Variants in LRRC59 observed in about 807,000 individuals in gnomAD.
The protein encoded by LRRC59 is leucine-rich repeat-containing protein 59.
In LRRC59, 18 loss-of-function variants were observed where a neutral mutation model predicts 33.5. The observed-to-expected ratio is 0.54, with a 90% CI of 0.37 to 0.80. The LOEUF (loss-of-function observed/expected upper bound fraction) is 0.80. Ranked by LOEUF, LRRC59 falls within the 30% of genes least tolerant of loss-of-function variation. The probability of loss-of-function intolerance (pLI) is 0.00; values close to 1 mark genes in which losing one functional copy is unlikely to be tolerated. For synonymous variants in LRRC59, 138 were observed against 160.0 expected (o/e 0.86, Z 1.04); for missense variants, 330 against 391.9 (o/e 0.84, Z 1.33).
chr17:50,386,263 T>TA (rs1472442156), intron 5 of LRRC59: 1 of 152,142 alleles, frequency 6.6e-6, no homozygotes, highest in African/African-American at 2.4e-5. Flanking sequence ...TGACTAGTCT[T>TA]AAAAAACAAA....
intron 5 of LRRC59, 92 bp from the exon 6 acceptor site, chr17:50,385,383 CT>C: frequency 7.5e-7 from 1 of 1,325,748 alleles, no homozygotes; most frequent in Non-Finnish European, 1.0e-6. Flanking sequence ...ATTCTGCCAC[CT>C]TTACCCTGGT....
chr17:50,394,310 G>A (rs1914219844), intron 2 of LRRC59, among the ~76,000 whole-genome samples: 1 of 152,160 alleles, frequency 6.6e-6, no homozygotes. Flanking sequence ...ATGTCAGAGA[G>A]GCTGAGGGGC....
chr17:50,392,943 A>C lies in LRRC59; in HGVS notation c.166-46T>G, dbSNP rs752350531. On this transcript the variant is annotated intron_variant, in intron 2 of 6. Coordinates refer to ENST00000225972, the MANE Select transcript of LRRC59 (RefSeq NM_018509.4). ...CTAAGCTAGGCTTGTCCAACACACG[A>C]GCCACGACAGCTTTAAATGTGGCCC... 10 of 1,557,190 alleles carry C rather than the reference A, an allele frequency of 6.4e-6. No individual in the cohort carries two copies. The East Asian group carries it at 2.3e-4, about 35-fold the overall frequency.
At chr17:50,394,143 T>A (rs1914216131) in intron 2 of LRRC59, among the ~76,000 whole-genome samples, 1 of 152,130 alleles carries the variant, frequency 6.6e-6, no homozygotes, top group African/African-American at 2.4e-5. Context: ...GGACTAATAA[T>A]CCAATGAGGA....
intron 4 of LRRC59, among the ~76,000 whole-genome samples, chr17:50,391,009 TG>T (rs1914131930): frequency 6.6e-6 from 1 of 152,206 alleles, no homozygotes; most frequent in Non-Finnish European, 1.5e-5. Flanking sequence ...ACTGAATGAA[TG>T]GATGGATGGA....
At chr17:50,384,782 G>GAAAAAAAAA (rs1913960421) in intron 6 of LRRC59, among the ~76,000 whole-genome samples, 1 of 119,362 alleles carries the variant, frequency 8.4e-6, no homozygotes, top group Non-Finnish European at 1.9e-5. Context: ...AAAAAAAAAG[G>GAAAAAAAAA]AAACTTGACC....
At chr17:50,392,079 A>C (rs1010081344) in intron 4 of LRRC59, among the ~76,000 whole-genome samples, 1 of 152,206 alleles carries the variant, frequency 6.6e-6, no homozygotes. Flanking sequence ...AGGCGTCTGT[A>C]ATCTCAGCTA....
At chr17:50,390,201 G>C (rs1216816236) in intron 4 of LRRC59, among the ~76,000 whole-genome samples, 1 of 152,078 alleles carries the variant, frequency 6.6e-6, no homozygotes, top group Non-Finnish European at 1.5e-5. Flanking sequence ...CCGTTGCCAT[G>C]ATTGCAGGGA....
chr17:50,392,495 T>C lies in LRRC59; in HGVS notation c.332A>G (p.Lys111Arg), dbSNP rs1194902539. ...PVSFAQLKNL[K>R]WLDLKDNPLD... ...GGGGTTATCCTTCAGGTCCAACCACTTCAGGTTCTAAAGAGATGGGCGATG... is the reference window on the plus strand; with the variant it reads ...GGGGTTATCCTTCAGGTCCAACCACCTCAGGTTCTAAAGAGATGGGCGATG... Residue 111 changes from lysine (K) to arginine (R), a missense_variant, in exon 4 of 7, where the codon AAG (lysine) becomes AGG (arginine). Physicochemically the swap from Lys to Arg is conservative, Grantham distance 26. Transcript: ENST00000225972. The C allele has an allele frequency of 6.2e-7, 1 of 1,613,716 alleles. No homozygotes were observed.
At position 50,383,148 on chromosome 17, in the gene LRRC59, A is replaced by G; in HGVS notation, c.764T>C (p.Leu255Pro). Residue 255 changes from leucine (L) to proline (P), a missense_variant, in exon 7 of 7, where the codon CTG becomes CCG. Leu to Pro is a moderately conservative substitution (Grantham distance 98). Transcript: ENST00000225972. The part of the protein sequence containing the change: ...WAVLKLLLLL[L>P]LFGVAGGLVA... Reference sequence around the variant, plus strand: ...CAGCCCTCCCGCCACACCAAATAGCAGCAGCAGCAGCAGCAGCTTCAGCAC... The same window carrying G: ...CAGCCCTCCCGCCACACCAAATAGCGGCAGCAGCAGCAGCAGCTTCAGCAC... 6.3e-7 allele frequency: 1 copy of G among 1,577,156 alleles called. No individual in the cohort carries two copies. The highest frequency in any genetic ancestry group is 1.2e-5 in the South Asian group (1 of 86,532).
intron 6 of LRRC59, among the ~76,000 whole-genome samples, chr17:50,383,837 A>T (rs1212186835): frequency 6.6e-6 from 1 of 151,930 alleles, no homozygotes; most frequent in African/African-American, 2.4e-5. Flanking sequence ...CAAAATTTTT[A>T]AAAACTTGAC....
In LRRC59 at chr17:50,385,214, C is replaced by A; in HGVS notation, c.580G>T (p.Glu194Ter). The change falls in exon 6 of 7, where the codon GAA becomes TAA. Residue 194 changes from glutamate to a stop codon, truncating the protein, a stop_gained. Coordinates refer to ENST00000225972, the MANE Select transcript of LRRC59 (RefSeq NM_018509.4). LOFTEE classifies it high-confidence loss of function. ...TCCTTTCTCCGGCGCTCCTTCTCTTCCGCCTTCTCCCGCTTCCGCAGTTCC... is the reference window on the plus strand; with the variant it reads ...TCCTTTCTCCGGCGCTCCTTCTCTTACGCCTTCTCCCGCTTCCGCAGTTCC... The part of the protein sequence containing the change: ...ERELRKREKA[E>*]EKERRRKEYD... 1 of 1,614,176 alleles carries A rather than the reference C, an allele frequency of 6.2e-7. No homozygotes were observed. Among genetic ancestry groups the A allele is most frequent in the Non-Finnish European group, 8.5e-7 (1 of 1,180,050 alleles).
At chr17:50,388,709 C>T (rs920088196) in intron 4 of LRRC59, among the ~76,000 whole-genome samples, 1 of 152,182 alleles carries the variant, frequency 6.6e-6, no homozygotes, top group Non-Finnish European at 1.5e-5. Flanking sequence ...GTAAAAAGTT[C>T]TGCCATTTAC....
At position 50,394,909 on chromosome 17, in the gene LRRC59, C is replaced by T. The variant is rs3760407; in HGVS notation, c.165+20G>A. 0.86 allele frequency: 1,341,779 copies of T among 1,563,942 alleles called. 586,230 individuals are homozygous for T. The highest frequency in any genetic ancestry group is 0.92 in the African/African-American group (68,046 of 73,626). On this transcript the variant is annotated intron_variant, in intron 2 of 6. Coordinates refer to ENST00000225972, the MANE Select transcript of LRRC59 (RefSeq NM_018509.4). ...GCATCCAAGGCACCAGAAGGAGTCA[C>T]GGCTGCATGCCAATCTTACCGGTAG...
chr17:50,394,481 T>A (rs1468316), intron 2 of LRRC59, among the ~76,000 whole-genome samples: 89,912 of 152,042 alleles, frequency 0.59, 27,520 homozygotes, highest in Non-Finnish European at 0.66. Context: ...AGGTAGCCCA[T>A]AAAATCACCT....
chr17:50,387,392 T>C (rs559893318), intron 5 of LRRC59, among the ~76,000 whole-genome samples: 17 of 152,356 alleles, frequency 1.1e-4, no homozygotes, highest in African/African-American at 4.1e-4. Flanking sequence ...GCAAGTAAGC[T>C]TGGGCCAAGG....
At position 50,381,294 on chromosome 17, in the gene LRRC59, T is replaced by A; in HGVS notation, c.*1694A>T. 8.6e-6 allele frequency: 2 copies of A among 231,690 alleles called. No individual in the cohort carries two copies. The highest frequency in any genetic ancestry group is 1.7e-5 in the Non-Finnish European group (2 of 116,134). 14.4% of individuals were successfully genotyped at this position (231,690 alleles called of 1,614,324 possible). ...AATCCAAAAGAATTAGCATCAAATC[T>A]TGAAGTCGTGAGTGAAGCTGCGGGT... is the stretch of plus-strand genomic sequence containing the variant. On this transcript the variant is annotated 3_prime_UTR_variant, in exon 7 of 7. Coordinates refer to ENST00000225972, the MANE Select transcript of LRRC59 (RefSeq NM_018509.4).
intron 2 of LRRC59, among the ~76,000 whole-genome samples, chr17:50,393,143 A>G (rs1001784775): frequency 7.9e-5 from 12 of 152,196 alleles, no homozygotes; most frequent in Admixed American, 2.0e-4. Context: ...TCGGTGTAAC[A>G]GTCTGGAAGC....
intron 4 of LRRC59, among the ~76,000 whole-genome samples, chr17:50,388,525 C>T (rs1914065521): frequency 6.6e-6 from 1 of 152,042 alleles, no homozygotes; most frequent in Non-Finnish European, 1.5e-5. Flanking sequence ...TGGGTGAAGA[C>T]TGAGACCCTA....
Sources: gnomAD v4.1 joint callset for allele counts (sites outside exome capture counted in the v4.1 genomes callset) on GRCh38, gnomAD v4.1.1 for gene constraint, MANE v1.5 for transcripts, NCBI Gene and HGNC (gene_info 2026-07-23, HGNC 2026-07-21) for gene names.